Variants in PRKN observed in about 807,000 individuals in gnomAD.
PRKN encodes the protein parkin RBR E3 ubiquitin protein ligase.
A neutral mutation model predicts 59.5 loss-of-function variants in PRKN; 56 were observed. The ratio of observed to expected loss-of-function variants is 0.94; its 90% confidence interval spans 0.76 to 1.18. PRKN has a LOEUF of 1.18. PRKN is among the 50% of genes most tolerant of loss of function. The probability of loss-of-function intolerance (pLI) is 0.00; values close to 1 mark genes in which losing one functional copy is unlikely to be tolerated. For missense variants in PRKN, 657 were observed against 596.4 expected, an observed-to-expected ratio of 1.10 and a Z score of -1.06; for synonymous variants, 250 against 222.1, an observed-to-expected ratio of 1.13 and a Z score of -1.12.
chr6:162,254,795 C>T (rs1779577929), intron 3 of PRKN, among the ~76,000 whole-genome samples: 1 of 152,018 alleles, frequency 6.6e-6, no homozygotes, highest in Non-Finnish European at 1.5e-5. Flanking sequence ...GCCAAAGGGT[C>T]CTTTGAGCAA....
At chr6:162,258,921 A>G (rs936250739) in intron 3 of PRKN, among the ~76,000 whole-genome samples, 1 of 152,190 alleles carries the variant, frequency 6.6e-6, no homozygotes, top group Non-Finnish European at 1.5e-5. Context: ...TTTGCCAACT[A>G]AAAATACTTG....
intron 9 of PRKN, among the ~76,000 whole-genome samples, chr6:161,411,005 TGTA>T (rs1485158110): frequency 2.0e-5 from 3 of 152,180 alleles, no homozygotes; most frequent in Non-Finnish European, 4.4e-5. Flanking sequence ...CCTGCTTCCC[TGTA>T]GTAGATTTTA....
Position 162,377,486 on chromosome 6 carries a change from T to C in PRKN, c.171+65824A>G, listed in dbSNP as rs759513453. On this transcript the variant is annotated intron_variant, in intron 2 of 11. Transcript: ENST00000366898. ...CCACTCCTTTTGTCTCTTTCTTTGA[T>C]TTCTCTGGGTGCAGACTAAAATTCT... 9.2e-5 allele frequency among the ~76,000 whole-genome samples: 14 copies of C among 152,214 alleles called. 1 individual carries two copies. Among genetic ancestry groups the C allele is most frequent in the Non-Finnish European group, 1.3e-4 (9 of 68,028 alleles).
At chr6:161,705,507 G>T (rs1244670082) in intron 7 of PRKN, among the ~76,000 whole-genome samples, 2 of 152,112 alleles carry the variant, frequency 1.3e-5, no homozygotes, top group African/African-American at 4.8e-5. Context: ...GTCTGTGTAG[G>T]GATTCTAACA....
At chr6:162,008,921 G>A (rs1782369920) in intron 5 of PRKN, among the ~76,000 whole-genome samples, 1 of 150,796 alleles carries the variant, frequency 6.6e-6, no homozygotes, top group Non-Finnish European at 1.5e-5. Flanking sequence ...GAGTTATGTG[G>A]GTTCAGGAGC....
chr6:161,988,919 T>TA lies in PRKN; in HGVS notation c.619-15503dup, dbSNP rs572238787. 3.9e-5 allele frequency among the ~76,000 whole-genome samples: 6 copies of TA among 152,342 alleles called. No homozygotes were observed. In the South Asian group the frequency reaches 1.0e-3, roughly 26 times the overall value. ...TATCATGTTTAATTTAGCTGATTTTTAAAAAAATATTTACAATGAGCTTTA... is the reference window on the plus strand; with the variant it reads ...TATCATGTTTAATTTAGCTGATTTTTAAAAAAAATATTTACAATGAGCTTTA... On this transcript the variant is annotated intron_variant, in intron 5 of 11. Transcript: ENST00000366898.
chr6:161,890,690 G>A (rs549065151), intron 6 of PRKN, among the ~76,000 whole-genome samples: 1 of 152,288 alleles, frequency 6.6e-6, no homozygotes, highest in South Asian at 2.1e-4. Flanking sequence ...GGAAAAGTCT[G>A]TCTTTCTCTA....
At chr6:162,182,354 T>C (rs1783834483) in intron 4 of PRKN, among the ~76,000 whole-genome samples, 1 of 152,212 alleles carries the variant, frequency 6.6e-6, no homozygotes, top group African/African-American at 2.4e-5. Flanking sequence ...GACAGACTTA[T>C]AAAATATAAT....
chr6:162,171,158 C>T (rs1004492198), intron 4 of PRKN, among the ~76,000 whole-genome samples: 3 of 151,688 alleles, frequency 2.0e-5, no homozygotes, highest in South Asian at 2.1e-4. Flanking sequence ...GCAGGAACTA[C>T]GCATTGCAAC....
intron 4 of PRKN, among the ~76,000 whole-genome samples, chr6:162,179,915 T>C (rs1360616612): frequency 1.3e-5 from 2 of 149,872 alleles, no homozygotes; most frequent in Admixed American, 6.7e-5. Context: ...CATTTTTTTT[T>C]CCTTTGACAG....
intron 4 of PRKN, among the ~76,000 whole-genome samples, chr6:162,188,754 C>T (rs571859207): frequency 6.8e-6 from 1 of 147,574 alleles, no homozygotes; most frequent in Admixed American, 6.8e-5. Flanking sequence ...GAAGAGCCTA[C>T]AGGTGGAACA....
chr6:162,403,421 C>G (rs183565588), intron 2 of PRKN, among the ~76,000 whole-genome samples: 1 of 152,308 alleles, frequency 6.6e-6, no homozygotes, highest in East Asian at 1.9e-4. Flanking sequence ...GAACTGCACT[C>G]TCTGCTTCCT....
At chr6:161,649,168 T>C (rs1189656060) in intron 7 of PRKN, among the ~76,000 whole-genome samples, 3 of 152,170 alleles carry the variant, frequency 2.0e-5, no homozygotes, top group African/African-American at 4.8e-5. Context: ...CTTCTCAAAA[T>C]TGGAGGAACA....
At chr6:161,800,774 A>C (rs760956541) in intron 6 of PRKN, among the ~76,000 whole-genome samples, 92 of 152,178 alleles carry the variant, frequency 6.0e-4, no homozygotes, top group Non-Finnish European at 1.3e-3. Flanking sequence ...AGATTCAGAG[A>C]CTCATTAACC....
chr6:162,359,079 A>ATATATATATATATATATATATAT (rs1554304694), intron 2 of PRKN, among the ~76,000 whole-genome samples: 2 of 83,246 alleles, frequency 2.4e-5, no homozygotes, highest in African/African-American at 1.5e-4. Flanking sequence ...AAAAAAAAAA[A>ATATATATATATATATATATATAT]ATATATATAT....
rs543259203 is a variant in PRKN, at chr6:162,127,393, G to A, written c.535-73219C>T. Among the ~76,000 whole-genome samples the A allele has an allele frequency of 1.1e-4, 17 of 152,300 alleles. 1 individual carries two copies. In the South Asian group the frequency reaches 3.5e-3, roughly 32 times the overall value. On this transcript the variant is annotated intron_variant, in intron 4 of 11. Transcript: ENST00000366898. ...AGGAGCTAAAGAGTGAGAAAGATGA[G>A]TTAAAAATGCAAACCAAAGGAAACT...
At chr6:162,561,607 G>C (rs1270165963) in intron 1 of PRKN, among the ~76,000 whole-genome samples, 1 of 152,194 alleles carries the variant, frequency 6.6e-6, no homozygotes, top group East Asian at 1.9e-4. Context: ...TGAATCTGCT[G>C]ACACCACGCC....
At chr6:162,398,369 A>C (rs1787584082) in intron 2 of PRKN, among the ~76,000 whole-genome samples, 1 of 147,770 alleles carries the variant, frequency 6.8e-6, no homozygotes, top group African/African-American at 2.6e-5. Flanking sequence ...AGAGTAAGAC[A>C]ACTTCAGCCA....
intron 9 of PRKN, among the ~76,000 whole-genome samples, chr6:161,436,643 C>T (rs773480526): frequency 6.6e-6 from 1 of 151,878 alleles, no homozygotes; most frequent in South Asian, 2.1e-4. Context: ...ATGATGGGAA[C>T]GTGGGTCAAA....
Sources: gnomAD v4.1 joint callset for allele counts (sites outside exome capture counted in the v4.1 genomes callset) on GRCh38, gnomAD v4.1.1 for gene constraint, MANE v1.5 for transcripts, NCBI Gene and HGNC (gene_info 2026-07-23, HGNC 2026-07-21) for gene names.